DZIP3: variants seen among roughly 807,000 people sequenced by gnomAD.
DZIP3 encodes E3 ubiquitin-protein ligase DZIP3.
Under a neutral mutation model 162.0 loss-of-function variants are expected in DZIP3, and 118 were observed. That is an observed-to-expected ratio of 0.73 (90% CI 0.63 to 0.85). The LOEUF (loss-of-function observed/expected upper bound fraction) is 0.85, where lower values mean the gene tolerates loss of function less well. Among genes scored for constraint, DZIP3 ranks in the 40% least tolerant of loss-of-function variants. The pLI, the probability that DZIP3 is intolerant of heterozygous loss-of-function variation, is 0.00. For missense variants in DZIP3, 1,331 were observed against 1,407.0 expected (o/e 0.95, Z 0.86); for synonymous variants, 438 against 458.6 (o/e 0.96, Z 0.57).
At chr3:108,649,440 T>C (rs1375144253) in intron 17 of DZIP3, among the ~76,000 whole-genome samples, 1 of 151,830 alleles carries the variant, frequency 6.6e-6, no homozygotes, top group Admixed American at 6.6e-5. Context: ...GCTTCTTTGA[T>C]TTTGTCAGTT....
intron 8 of DZIP3, among the ~76,000 whole-genome samples, chr3:108,631,578 A>C (rs1197916823): frequency 2.7e-5 from 3 of 112,044 alleles, no homozygotes; most frequent in Non-Finnish European, 3.6e-5. Context: ...TATTATTATT[A>C]TTCCCTTTTT....
chr3:108,607,276 A>G (rs1940434865), intron 2 of DZIP3, among the ~76,000 whole-genome samples: 1 of 152,222 alleles, frequency 6.6e-6, no homozygotes, highest in African/African-American at 2.4e-5. Flanking sequence ...CAATTAGCAT[A>G]TATTAGATGA....
At chr3:108,686,168 A>G (rs1286555360) in intron 27 of DZIP3, among the ~76,000 whole-genome samples, 1 of 152,212 alleles carries the variant, frequency 6.6e-6, no homozygotes, top group Non-Finnish European at 1.5e-5. Flanking sequence ...AAGTTTAAAT[A>G]TTTATAAACA....
At chr3:108,593,970 T>C (rs1163554586) in intron 1 of DZIP3, among the ~76,000 whole-genome samples, 1 of 152,152 alleles carries the variant, frequency 6.6e-6, no homozygotes, top group Non-Finnish European at 1.5e-5. Context: ...TGAGCTTGAA[T>C]TTCTAGTATA....
intron 9 of DZIP3, 94 bp from the exon 10 acceptor site, chr3:108,634,777 T>G: frequency 1.7e-6 from 1 of 590,824 alleles, no homozygotes; most frequent in Non-Finnish European, 2.7e-6. Flanking sequence ...ATCTATCTAA[T>G]TATAGAATAA....
At chr3:108,615,987 G>A (rs1335722134) in intron 4 of DZIP3, among the ~76,000 whole-genome samples, 1 of 152,130 alleles carries the variant, frequency 6.6e-6, no homozygotes, top group Non-Finnish European at 1.5e-5. Flanking sequence ...TAAAGAGGCT[G>A]GGCGCAGTGG....
At chr3:108,652,981 C>G (rs1000478971) in intron 18 of DZIP3, among the ~76,000 whole-genome samples, 4 of 151,834 alleles carry the variant, frequency 2.6e-5, no homozygotes, top group Non-Finnish European at 5.9e-5. Flanking sequence ...TGTTGTTAAG[C>G]AATGCCTGAG....
chr3:108,630,154 T>G (rs1013518046), intron 8 of DZIP3, among the ~76,000 whole-genome samples: 2 of 152,128 alleles, frequency 1.3e-5, no homozygotes, highest in African/African-American at 2.4e-5. Context: ...TTCTGGGTGT[T>G]CTTTACCTTT....
intron 4 of DZIP3, among the ~76,000 whole-genome samples, chr3:108,613,565 A>T (rs1940839384): frequency 6.6e-6 from 1 of 152,198 alleles, no homozygotes; most frequent in African/African-American, 2.4e-5. Context: ...TCCCAGTGGG[A>T]TATTTTAACA....
At chr3:108,601,768 G>A (rs1940031473) in intron 1 of DZIP3, among the ~76,000 whole-genome samples, 2 of 152,228 alleles carry the variant, frequency 1.3e-5, no homozygotes, top group South Asian at 4.1e-4. Context: ...CTTGAAACTT[G>A]TATTTATTTG....
At chr3:108,673,987 T>C (rs1944012333) in intron 23 of DZIP3, 91 bp from the exon 24 acceptor site, 1 of 1,011,072 alleles carries the variant, frequency 9.9e-7, no homozygotes, top group Admixed American at 1.9e-5. Flanking sequence ...AATTGAGAAA[T>C]AGCTTTAAAT....
At chr3:108,599,599 C>T (rs1333530034) in intron 1 of DZIP3, among the ~76,000 whole-genome samples, 3 of 152,170 alleles carry the variant, frequency 2.0e-5, no homozygotes, top group Non-Finnish European at 2.9e-5. Context: ...AGTGCTGTAA[C>T]CACAGAACAA....
At chr3:108,609,831 A>G (rs1940597500) in intron 3 of DZIP3, among the ~76,000 whole-genome samples, 1 of 152,190 alleles carries the variant, frequency 6.6e-6, no homozygotes, top group African/African-American at 2.4e-5. Context: ...ACAAAGCAAG[A>G]CGCTGTAGGC....
chr3:108,680,297 C>A (rs1303003688), intron 26 of DZIP3, among the ~76,000 whole-genome samples: 3 of 151,964 alleles, frequency 2.0e-5, no homozygotes, highest in Non-Finnish European at 4.4e-5. Flanking sequence ...CTAGCCAGAG[C>A]AGTTAGGCAA....
At chr3:108,660,634 A>T (rs1162108796) in intron 19 of DZIP3, among the ~76,000 whole-genome samples, 2 of 152,190 alleles carry the variant, frequency 1.3e-5, no homozygotes, top group Non-Finnish European at 2.9e-5. Context: ...CAAAATTGAC[A>T]AATGGGATCT....
rs140908942 is a variant in DZIP3 at position 108,655,669 on chromosome 3, G to A, written c.2199+1359G>A. On this transcript the variant is annotated intron_variant, in intron 19 of 32. Transcript: ENST00000361582. Reference sequence around the variant, plus strand: ...GTGGGTTCAGGACAGTGGGTGCGGCGCACCGAGTGTGAGCCAAAGCAGGGC... The same window carrying A: ...GTGGGTTCAGGACAGTGGGTGCGGCACACCGAGTGTGAGCCAAAGCAGGGC... Among the ~76,000 whole-genome samples the A allele has an allele frequency of 3.1e-4, 47 of 152,226 alleles. 1 individual carries two copies. The highest frequency in any genetic ancestry group is 2.9e-3 in the South Asian group (14 of 4,820).
chr3:108,666,277 T>C (rs1041237681), intron 21 of DZIP3, among the ~76,000 whole-genome samples: 1 of 151,920 alleles, frequency 6.6e-6, no homozygotes, highest in Non-Finnish European at 1.5e-5. Context: ...TCAGATTAAA[T>C]GGACTTCAGA....
intron 7 of DZIP3, among the ~76,000 whole-genome samples, chr3:108,628,113 G>T (rs967557934): frequency 2.0e-5 from 3 of 152,106 alleles, no homozygotes; most frequent in Admixed American, 2.0e-4. Context: ...TCCTGATCTC[G>T]TGATCCGCCC....
chr3:108,653,177 A>G (rs2107239315), intron 18 of DZIP3, among the ~76,000 whole-genome samples: 1 of 152,024 alleles, frequency 6.6e-6, no homozygotes, highest in East Asian at 1.9e-4. Flanking sequence ...CGAACTTTTC[A>G]GAATGTTTGG....
Sources: allele counts gnomAD v4.1 joint callset (sites outside exome capture counted in the v4.1 genomes callset), GRCh38; gene constraint gnomAD v4.1.1; transcripts MANE v1.5; gene names NCBI Gene and HGNC (gene_info 2026-07-23, HGNC 2026-07-21).